Variants in ZCCHC17 observed in about 807,000 individuals in gnomAD.
The protein encoded by ZCCHC17 is zinc finger CCHC-type containing 17, also known as zinc finger CCHC domain-containing protein 17.
A neutral mutation model predicts 30.6 loss-of-function variants in ZCCHC17; 18 were observed. The observed-to-expected ratio is 0.59, with a 90% CI of 0.41 to 0.87. The LOEUF is 0.87. Ranked by LOEUF, ZCCHC17 falls within the 40% of genes least tolerant of loss-of-function variation. The pLI is 0.00. For missense variants in ZCCHC17, 263 were observed against 284.2 expected, an observed-to-expected ratio of 0.93 and a Z score of 0.54; for synonymous variants, 88 against 92.4, an observed-to-expected ratio of 0.95 and a Z score of 0.27.
intron 2 of ZCCHC17, among the ~76,000 whole-genome samples, chr1:31,315,521 G>A (rs77787583): frequency 3.7e-4 from 56 of 152,278 alleles, no homozygotes; most frequent in African/African-American, 1.3e-3. Flanking sequence ...CATAGCCCAA[G>A]AAATGCTGAG....
chr1:31,298,397 T>G (rs1480882061), intron 1 of ZCCHC17, among the ~76,000 whole-genome samples: 1 of 151,890 alleles, frequency 6.6e-6, no homozygotes, highest in African/African-American at 2.4e-5. Context: ...GTTTTTTTTT[T>G]TTTTTTGAGA....
chr1:31,301,306 A>G (rs1365175508), intron 1 of ZCCHC17, among the ~76,000 whole-genome samples: 1 of 152,216 alleles, frequency 6.6e-6, no homozygotes, highest in Non-Finnish European at 1.5e-5. Context: ...CACACTCTAC[A>G]AAGGGAGGAA....
intron 3 of ZCCHC17, among the ~76,000 whole-genome samples, chr1:31,335,780 C>A (rs1313742938): frequency 6.6e-6 from 1 of 152,118 alleles, no homozygotes; most frequent in Non-Finnish European, 1.5e-5. Context: ...AGTAATAGTT[C>A]TTATTTTACT....
intron 6 of ZCCHC17, 36 bp downstream of exon 6, chr1:31,346,776 C>G (rs774851116): frequency 6.2e-7 from 1 of 1,613,364 alleles, no homozygotes; most frequent in Admixed American, 1.7e-5. Context: ...ACGTTTCTCT[C>G]CTTGTGGATG....
intron 7 of ZCCHC17, among the ~76,000 whole-genome samples, chr1:31,352,658 G>T (rs1639508964): frequency 6.6e-6 from 1 of 152,096 alleles, no homozygotes; most frequent in Non-Finnish European, 1.5e-5. Flanking sequence ...TGTTGCTCAG[G>T]CTGATCTTGA....
intron 2 of ZCCHC17, among the ~76,000 whole-genome samples, chr1:31,312,257 C>T (rs554568022): frequency 3.9e-5 from 6 of 152,232 alleles, no homozygotes; most frequent in African/African-American, 9.6e-5. Context: ...ATAAATAAAT[C>T]GGTTCACACT....
intron 5 of ZCCHC17, among the ~76,000 whole-genome samples, chr1:31,339,740 G>T (rs1638962410): frequency 1.3e-5 from 2 of 152,142 alleles, no homozygotes; most frequent in South Asian, 4.2e-4. Flanking sequence ...GGTTACGTGG[G>T]TCTCTTCCAC....
chr1:31,317,629 A>G (rs78687547), intron 2 of ZCCHC17, among the ~76,000 whole-genome samples: 2 of 149,942 alleles, frequency 1.3e-5, no homozygotes, highest in Admixed American at 6.6e-5. Flanking sequence ...CTATACTGTT[A>G]TTTTTTTTTT....
At chr1:31,327,354 G>A (rs1185164968) in intron 3 of ZCCHC17, among the ~76,000 whole-genome samples, 1 of 152,230 alleles carries the variant, frequency 6.6e-6, no homozygotes, top group Non-Finnish European at 1.5e-5. Flanking sequence ...GGGGTTCCAT[G>A]ACCACCTACT....
intron 2 of ZCCHC17, among the ~76,000 whole-genome samples, chr1:31,314,443 A>G (rs1646682369): frequency 2.2e-5 from 3 of 136,052 alleles, no homozygotes; most frequent in Admixed American, 1.5e-4. Context: ...ATTAAAATTG[A>G]AAAAAAAAAA....
At chr1:31,319,278 G>T in intron 3 of ZCCHC17, 112 bp downstream of exon 3, 1 of 921,360 alleles carries the variant, frequency 1.1e-6, no homozygotes, top group Non-Finnish European at 1.6e-6. Flanking sequence ...TCATTCCTTT[G>T]TTTTCTTTTT....
At chr1:31,341,448 A>G (rs755407017) in intron 5 of ZCCHC17, among the ~76,000 whole-genome samples, 31 of 152,214 alleles carry the variant, frequency 2.0e-4, no homozygotes, top group Non-Finnish European at 3.2e-4. Context: ...AAAATATAAA[A>G]CATGTAAGAT....
chr1:31,324,293 C>T (rs759055026), intron 3 of ZCCHC17, among the ~76,000 whole-genome samples: 2 of 152,172 alleles, frequency 1.3e-5, no homozygotes, highest in South Asian at 2.1e-4. Context: ...GGCAACATAG[C>T]AAGACCCCAC....
chr1:31,362,013 T>A (rs1479283543), intron 7 of ZCCHC17, among the ~76,000 whole-genome samples: 1 of 152,168 alleles, frequency 6.6e-6, no homozygotes, highest in Non-Finnish European at 1.5e-5. Context: ...GGTTTCACCA[T>A]GTTGGCCAGG....
At chr1:31,351,221 C>A (rs1639458271) in intron 7 of ZCCHC17, among the ~76,000 whole-genome samples, 1 of 152,190 alleles carries the variant, frequency 6.6e-6, no homozygotes, top group African/African-American at 2.4e-5. Flanking sequence ...CTCTCCTTTT[C>A]CATCCCACAT....
chr1:31,329,101 A>G (rs1204292624), intron 3 of ZCCHC17, among the ~76,000 whole-genome samples: 2 of 152,206 alleles, frequency 1.3e-5, no homozygotes, highest in Admixed American at 6.5e-5. Context: ...CCTCATTAAA[A>G]TAAACTCAGG....
chr1:31,361,287 G>A (rs930468294), intron 7 of ZCCHC17, among the ~76,000 whole-genome samples: 6 of 152,144 alleles, frequency 3.9e-5, no homozygotes, highest in Admixed American at 1.3e-4. Flanking sequence ...ACTTTGACTT[G>A]TCTCCTGTAG....
intron 2 of ZCCHC17, among the ~76,000 whole-genome samples, chr1:31,317,629 A>AT (rs11309133): frequency 8.7e-4 from 131 of 150,018 alleles, no homozygotes; most frequent in African/African-American, 2.5e-3. Flanking sequence ...CTATACTGTT[A>AT]TTTTTTTTTT....
intron 3 of ZCCHC17, among the ~76,000 whole-genome samples, chr1:31,332,495 G>A (rs1436554695): frequency 6.6e-6 from 1 of 151,728 alleles, no homozygotes; most frequent in African/African-American, 2.4e-5. Flanking sequence ...ATTTCATAGT[G>A]TATATATTAT....
Sources: gnomAD v4.1 joint callset for allele counts (sites outside exome capture counted in the v4.1 genomes callset) on GRCh38, gnomAD v4.1.1 for gene constraint, MANE v1.5 for transcripts, NCBI Gene and HGNC (gene_info 2026-07-23, HGNC 2026-07-21) for gene names.